The following PTPRT variants were observed in gnomAD, a reference collection of about 807,000 sequenced individuals.
PTPRT encodes the protein protein tyrosine phosphatase receptor type T.
Under a neutral mutation model 176.8 loss-of-function variants are expected in PTPRT, and 56 were observed. That is an observed-to-expected ratio of 0.32 (90% CI 0.26 to 0.40). The LOEUF (loss-of-function observed/expected upper bound fraction) is 0.40, where lower values mean the gene tolerates loss of function less well. Ranked by LOEUF, PTPRT falls within the 10% of genes least tolerant of loss-of-function variation. The probability of loss-of-function intolerance (pLI) is 1.00; values close to 1 mark genes in which losing one functional copy is unlikely to be tolerated. For synonymous variants in PTPRT, 783 were observed against 739.0 expected, an observed-to-expected ratio of 1.06 and a Z score of -0.96; for missense variants, 1,540 against 1,908.2, an observed-to-expected ratio of 0.81 and a Z score of 3.60.
rs537883415 is a variant in PTPRT at position 43,011,867 on chromosome 20, A to T, written c.89-125935T>A. ...GTGACTGGAAGAAAGCAGGCAGAAGATGGAAGGACTTGACTTGCTGAGTCT... is the reference window on the plus strand; with the variant it reads ...GTGACTGGAAGAAAGCAGGCAGAAGTTGGAAGGACTTGACTTGCTGAGTCT... On this transcript the variant is annotated intron_variant, in intron 1 of 30. Transcript: ENST00000373187. 2.0e-5 allele frequency among the ~76,000 whole-genome samples: 3 copies of T among 152,294 alleles called. No homozygotes were observed. In the South Asian group the frequency reaches 6.2e-4, roughly 32 times the overall value.
At chr20:42,990,023 T>C (rs1161019904) in intron 1 of PTPRT, among the ~76,000 whole-genome samples, 5 of 152,236 alleles carry the variant, frequency 3.3e-5, no homozygotes, top group African/African-American at 9.6e-5. Context: ...CTTGTCATTA[T>C]TGATTATTGT....
the PTPRT span, among the ~76,000 whole-genome samples, chr20:42,063,194 T>C: frequency 1.3e-5 from 2 of 152,218 alleles, no homozygotes; most frequent in Non-Finnish European, 2.9e-5. Context: ...TTGGTTTTTG[T>C]GACGAGGGCA....
At chr20:42,592,280 G>A (rs559775999) in intron 7 of PTPRT, among the ~76,000 whole-genome samples, 47 of 152,062 alleles carry the variant, frequency 3.1e-4, no homozygotes, top group Non-Finnish European at 5.9e-4. Context: ...CAGCTTTGCT[G>A]GAGATTCTAT....
intron 16 of PTPRT, 28 bp from the exon 17 acceptor site, chr20:42,161,570 C>T (rs546667606): frequency 7.0e-6 from 11 of 1,570,248 alleles, no homozygotes; most frequent in Admixed American, 1.8e-5. Flanking sequence ...CAGAACAGAT[C>T]ATCACCTATA....
At chr20:42,142,597 T>TG (rs904500000) in intron 17 of PTPRT, among the ~76,000 whole-genome samples, 7 of 152,052 alleles carry the variant, frequency 4.6e-5, no homozygotes, top group East Asian at 3.9e-4. Context: ...GACCCCCCAG[T>TG]GGGGGGGCTC....
chr20:42,504,827 T>C (rs1260774439), intron 7 of PTPRT, among the ~76,000 whole-genome samples: 1 of 152,194 alleles, frequency 6.6e-6, no homozygotes, highest in Admixed American at 6.5e-5. Context: ...CCAGCCTTTC[T>C]TTGAATTTAC....
chr20:42,557,761 A>C (rs778549140), intron 7 of PTPRT, among the ~76,000 whole-genome samples: 2 of 152,150 alleles, frequency 1.3e-5, no homozygotes, highest in Non-Finnish European at 2.9e-5. Context: ...TGTAGAGAAA[A>C]ACTGGAAATG....
At position 42,756,548 on chromosome 20, in the gene PTPRT, G is replaced by A. The variant is rs1417977676; in HGVS notation, c.773C>T (p.Ala258Val). The A allele has an allele frequency of 1.2e-6, 2 of 1,613,142 alleles. No homozygotes were observed. The highest frequency in any genetic ancestry group is 1.7e-6 in the Non-Finnish European group (2 of 1,179,316). The stretch of plus-strand genomic sequence containing the variant: ...GCGGTACTTGCTGACGCTCCGCTGG[G>A]CAGTGTCTGCCACACTGACTGTGGC... ...FSATVSVADT[A>V]QRSVSKYRCV... The change falls in exon 6 of 31, where the codon GCC becomes GTC. Residue 258 changes from alanine (A) to valine (V), a missense_variant. Ala to Val is a moderately conservative substitution (Grantham distance 64). This residue lies in a region of PTPRT where 273 missense variants were observed against 432.1 expected (regional missense o/e 0.63). Transcript: ENST00000373187.
the PTPRT span, among the ~76,000 whole-genome samples, chr20:42,035,782 A>G: frequency 6.6e-6 from 1 of 152,180 alleles, no homozygotes; most frequent in Non-Finnish European, 1.5e-5. Context: ...GACTGTGGTC[A>G]TTTCTGGCAG....
chr20:42,553,193 C>T (rs1427004891), intron 7 of PTPRT, among the ~76,000 whole-genome samples: 1 of 152,126 alleles, frequency 6.6e-6, no homozygotes, highest in Admixed American at 6.6e-5. Context: ...CAATGATAGG[C>T]TAGCTCAAAC....
chr20:42,134,434 CT>C (rs1489633175), intron 18 of PTPRT, among the ~76,000 whole-genome samples: 6 of 152,140 alleles, frequency 3.9e-5, no homozygotes, highest in Non-Finnish European at 7.4e-5. Flanking sequence ...TCCCCCGGCT[CT>C]CAGTTGAGGT....
intron 11 of PTPRT, among the ~76,000 whole-genome samples, chr20:42,336,854 T>C (rs1357553514): frequency 2.6e-5 from 4 of 152,158 alleles, no homozygotes; most frequent in African/African-American, 7.2e-5. Flanking sequence ...CACACACACA[T>C]ACAAAGTCCC....
At chr20:42,214,207 T>C (rs913294101) in intron 15 of PTPRT, among the ~76,000 whole-genome samples, 1 of 152,190 alleles carries the variant, frequency 6.6e-6, no homozygotes, top group East Asian at 1.9e-4. Flanking sequence ...TTCCCTGTTA[T>C]GTCACGCTTA....
At chr20:42,289,549 A>G (rs78492239) in intron 12 of PTPRT, among the ~76,000 whole-genome samples, 8,623 of 152,204 alleles carry the variant, frequency 0.057, 325 homozygotes, top group Middle Eastern at 0.11. Flanking sequence ...ATTGTTAATC[A>G]TCGGAGAAAT....
At chr20:43,026,843 G>A (rs1365876128) in intron 1 of PTPRT, among the ~76,000 whole-genome samples, 1 of 152,012 alleles carries the variant, frequency 6.6e-6, no homozygotes, top group Non-Finnish European at 1.5e-5. Context: ...TCTGTCTCTG[G>A]GCTATTTTAC....
intron 1 of PTPRT, among the ~76,000 whole-genome samples, chr20:43,184,871 A>G (rs932921995): frequency 1.3e-5 from 2 of 152,112 alleles, no homozygotes; most frequent in African/African-American, 4.8e-5. Context: ...TCTTACCAAT[A>G]GATAATAAAT....
intron 1 of PTPRT, among the ~76,000 whole-genome samples, chr20:43,134,740 T>C (rs1178259157): frequency 6.6e-6 from 1 of 152,248 alleles, no homozygotes; most frequent in Non-Finnish European, 1.5e-5. Context: ...ACCTATTTTC[T>C]AATTGGGAGG....
At chr20:42,061,415 C>T in the PTPRT span, among the ~76,000 whole-genome samples, 1 of 152,074 alleles carries the variant, frequency 6.6e-6, no homozygotes. Flanking sequence ...CTAGCTCTGC[C>T]AGTGTATATA....
chr20:42,954,577 C>T lies in PTPRT; in HGVS notation c.89-68645G>A, dbSNP rs118091093. ...TCCACATCTTCAGCAGTAAGTGCTA[C>T]ATAGAAGATGCTCAGTCAACGTGCG... On this transcript the variant is annotated intron_variant, in intron 1 of 30. Transcript: ENST00000373187. Among the ~76,000 whole-genome samples the T allele has an allele frequency of 2.4e-3, 372 of 152,272 alleles. 1 individual carries two copies. The highest frequency in any genetic ancestry group is 6.9e-3 in the Admixed American group (105 of 15,290).
Sources: gnomAD v4.1 joint callset for allele counts (sites outside exome capture counted in the v4.1 genomes callset) on GRCh38, gnomAD v4.1.1 for gene constraint, gnomAD v4.1.1 regional missense constraint, MANE v1.5 for transcripts, NCBI Gene and HGNC (gene_info 2026-07-23, HGNC 2026-07-21) for gene names.